The following PLXDC1 variants were observed in gnomAD, a reference collection of about 807,000 sequenced individuals.
The protein encoded by PLXDC1 is plexin domain-containing protein 1.
In PLXDC1, 39 loss-of-function variants were observed where a neutral mutation model predicts 61.3. The observed-to-expected ratio is 0.64, with a 90% CI of 0.49 to 0.83. The LOEUF is 0.83. PLXDC1 is among the 40% of genes least tolerant of loss of function. The pLI, the probability that PLXDC1 is intolerant of heterozygous loss-of-function variation, is 0.00. For missense variants in PLXDC1, 596 were observed against 666.5 expected, an observed-to-expected ratio of 0.89 and a Z score of 1.17; for synonymous variants, 212 against 254.5, an observed-to-expected ratio of 0.83 and a Z score of 1.59.
chr17:39,071,184 A>C (rs1271708514), intron 12 of PLXDC1, among the ~76,000 whole-genome samples: 2 of 152,186 alleles, frequency 1.3e-5, no homozygotes, highest in Non-Finnish European at 1.5e-5. Context: ...TAATGGAAAT[A>C]ACAGAGAGGT....
At chr17:39,088,666 C>A (rs2143477272) in intron 7 of PLXDC1, among the ~76,000 whole-genome samples, 1 of 152,254 alleles carries the variant, frequency 6.6e-6, no homozygotes, top group South Asian at 2.1e-4. Context: ...CCCAGCCAGG[C>A]ATGGTGGCTC....
chr17:39,132,718 G>A (rs1259392216), intron 2 of PLXDC1, among the ~76,000 whole-genome samples: 2 of 152,160 alleles, frequency 1.3e-5, no homozygotes, highest in South Asian at 2.1e-4. Flanking sequence ...GGGTCTGGAT[G>A]GAGGAGCTGA....
chr17:39,081,434 T>C, intron 9 of PLXDC1: 1 of 140,948 alleles, frequency 7.1e-6, no homozygotes, highest in Non-Finnish European at 1.5e-5. Context: ...GCTAACACGG[T>C]GAAACCTCAT....
At position 39,108,154 on chromosome 17, in the gene PLXDC1, G is replaced by C. The variant is rs1567763350; in HGVS notation, c.561C>G (p.Ser187=). The C allele has an allele frequency of 6.2e-7, 1 of 1,614,156 alleles. No individual in the cohort carries two copies. The highest frequency in any genetic ancestry group is 8.5e-7 in the Non-Finnish European group (1 of 1,180,008). The change falls in exon 5 of 14, where the codon TCC becomes TCG. Residue 187 remains serine (S), a synonymous_variant. Coordinates refer to ENST00000315392, the MANE Select transcript of PLXDC1 (RefSeq NM_020405.5). ...PLMANFNPGY[S]DNSTVVYFDN... ...CAAAGTAAACAACTGTGGAGTTGTC[G>C]GAGTAGCCAGGGTTGAAGTTGGCCA...
chr17:39,142,322 C>T (rs961419487), intron 1 of PLXDC1, among the ~76,000 whole-genome samples: 2 of 152,198 alleles, frequency 1.3e-5, no homozygotes, highest in African/African-American at 2.4e-5. Flanking sequence ...CAGCCAGAGG[C>T]ACTCCAACTG....
chr17:39,091,649 T>TA (rs1207298616), intron 7 of PLXDC1, among the ~76,000 whole-genome samples: 19 of 152,006 alleles, frequency 1.2e-4, no homozygotes, highest in African/African-American at 4.6e-4. Context: ...GACTCAGACA[T>TA]ATCAGGTTGA....
At chr17:39,116,758 T>C (rs987210937) in intron 2 of PLXDC1, among the ~76,000 whole-genome samples, 3 of 152,238 alleles carry the variant, frequency 2.0e-5, no homozygotes, top group Non-Finnish European at 4.4e-5. Flanking sequence ...GCATGGAACA[T>C]GGATGATCCT....
intron 2 of PLXDC1, among the ~76,000 whole-genome samples, chr17:39,139,141 A>G (rs1464713223): frequency 6.6e-6 from 1 of 152,030 alleles, no homozygotes; most frequent in Non-Finnish European, 1.5e-5. Context: ...GCACCCCAGA[A>G]CTGCCCCAGG....
At chr17:39,105,162 G>A (rs1256688075) in intron 7 of PLXDC1, among the ~76,000 whole-genome samples, 1 of 152,142 alleles carries the variant, frequency 6.6e-6, no homozygotes, top group Non-Finnish European at 1.5e-5. Context: ...TTGTGCATAC[G>A]GCTCAGCAGA....
chr17:39,151,463 C>T lies in PLXDC1; in HGVS notation c.-26G>A. 1 of 1,248,364 alleles carries T rather than the reference C, an allele frequency of 8.0e-7. No homozygotes were observed. The highest frequency in any genetic ancestry group is 3.3e-5 in the South Asian group (1 of 29,902). The allele number at this position is 1,248,364 out of a possible 1,614,324, so 77.3% of individuals were successfully genotyped here. On this transcript the variant is annotated 5_prime_UTR_variant, in exon 1 of 14. Transcript: ENST00000315392. This position sits in a 1 kb window ranked among gnomAD's most constrained non-coding sequence, Gnocchi z 5.2. ...GGTGGGTGCCCGGACCTGCCCCCGG[C>T]CTGCTTGCTGCCCCGGTCCTGACGA...
At chr17:39,100,889 A>C (rs981967966) in intron 7 of PLXDC1, among the ~76,000 whole-genome samples, 1 of 152,168 alleles carries the variant, frequency 6.6e-6, no homozygotes, top group Non-Finnish European at 1.5e-5. Flanking sequence ...GGGTCGTGGG[A>C]GGTACGAGGG....
In PLXDC1 at chr17:39,105,902, C is replaced by T. The variant is rs116323348; in HGVS notation, c.763G>A (p.Gly255Ser). 5.3e-5 allele frequency: 86 copies of T among 1,614,026 alleles called. No homozygotes were observed. The highest frequency in any genetic ancestry group is 2.3e-4 in the Admixed American group (14 of 59,998). The change falls in exon 7 of 14, where the codon GGC becomes AGC. Residue 255 changes from glycine to serine, a missense_variant. Gly to Ser is a moderately conservative substitution (Grantham distance 56, BLOSUM62 0). Transcript: ENST00000315392. ...ISSSQHPVKT[G>S]LSDAFMILNP... is the part of the protein sequence containing the mutation. ...AGAATCATGAAGGCATCCGATAGGC[C>T]GGTTTTGACAGGATGCTGGGAGGAG...
At chr17:39,133,322 G>A (rs746931883) in intron 2 of PLXDC1, among the ~76,000 whole-genome samples, 6 of 152,082 alleles carry the variant, frequency 3.9e-5, no homozygotes, top group East Asian at 3.9e-4. Context: ...CCTGAGTCTC[G>A]GGCGTGTGCA....
chr17:39,089,037 AAAAG>A (rs1368880692), intron 7 of PLXDC1, among the ~76,000 whole-genome samples: 1 of 140,178 alleles, frequency 7.1e-6, no homozygotes, highest in African/African-American at 2.5e-5. Context: ...GGAAAGAAAG[AAAAG>A]AAAGAAAAAA....
At chr17:39,071,319 G>A (rs1216610595) in intron 12 of PLXDC1, among the ~76,000 whole-genome samples, 1 of 137,350 alleles carries the variant, frequency 7.3e-6, no homozygotes, top group Non-Finnish European at 1.5e-5. Flanking sequence ...AGGTAGAGAA[G>A]ACAGATGAGC....
Position 39,151,561 on chromosome 17 carries a change from G to T in PLXDC1, c.-124C>A. On this transcript the variant is annotated 5_prime_UTR_variant, in exon 1 of 14. Coordinates refer to ENST00000315392, the MANE Select transcript of PLXDC1 (RefSeq NM_020405.5). This position sits in a 1 kb window ranked among gnomAD's most constrained non-coding sequence, Gnocchi z 5.2. ...GCGGAGGGGCGGGCGGCGAGGAGAC[G>T]GCGGAGCGCGGGGCCGGGCGAGCCG... The T allele has an allele frequency of 1.7e-6, 2 of 1,200,518 alleles. No homozygotes were observed. Among genetic ancestry groups the T allele is most frequent in the Non-Finnish European group, 2.1e-6 (2 of 967,666 alleles). The allele number at this position is 1,200,518 out of a possible 1,614,324, so 74.4% of individuals were successfully genotyped here. A position where few individuals can be genotyped will look rare whatever the true frequency, so the allele number is the denominator to read the frequency against.
chr17:39,109,178 G>T, intron 3 of PLXDC1, 70 bp downstream of exon 3: 2 of 1,540,196 alleles, frequency 1.3e-6, no homozygotes, highest in South Asian at 2.5e-5. Flanking sequence ...CATGCCCACT[G>T]ACCAGGCAGG....
chr17:39,128,641 G>A (rs535149051), intron 2 of PLXDC1, among the ~76,000 whole-genome samples: 1 of 152,274 alleles, frequency 6.6e-6, no homozygotes, highest in Admixed American at 6.5e-5. Context: ...CAGTCTGGCA[G>A]TTCCTCAAAA....
chr17:39,111,986 A>C (rs1910820175), intron 2 of PLXDC1: 1 of 152,116 alleles, frequency 6.6e-6, no homozygotes, highest in Non-Finnish European at 1.5e-5. Flanking sequence ...CCCTTTCCCC[A>C]TCCTCCAGGA....
Sources: allele counts gnomAD v4.1 joint callset (sites outside exome capture counted in the v4.1 genomes callset), GRCh38; gene constraint gnomAD v4.1.1; non-coding constraint Gnocchi (gnomAD v3.1); transcripts MANE v1.5; gene names NCBI Gene and HGNC (gene_info 2026-07-23, HGNC 2026-07-21).